Variants in NCKAP5 observed in about 807,000 individuals in gnomAD.
NCKAP5 encodes the protein NCK associated protein 5.
NCKAP5 carries 92 observed loss-of-function variants against 167.0 expected under a neutral mutation model. That is an observed-to-expected ratio of 0.55 (90% CI 0.47 to 0.66). The LOEUF is 0.66. Ranked by LOEUF, NCKAP5 falls within the 30% of genes least tolerant of loss-of-function variation. NCKAP5 has a pLI of 0.00. For missense variants in NCKAP5, 2,378 were observed against 2,315.0 expected (o/e 1.03, Z -0.56); for synonymous variants, 891 against 877.4 (o/e 1.02, Z -0.27).
rs189670064 is a variant in NCKAP5, at chr2:133,399,500, G to T, written c.70-96390C>A. ...AGATTCTGTACATATAGATAGGCAA[G>T]AATTCAAATTGCCAAAGCCAACTTG... On this transcript the variant is annotated intron_variant, in intron 3 of 19. Transcript: ENST00000409261. Among the ~76,000 whole-genome samples the T allele has an allele frequency of 2.0e-3, 309 of 152,292 alleles. 2 individuals are homozygous for T. The highest frequency in any genetic ancestry group is 6.6e-3 in the African/African-American group (275 of 41,580).
chr2:132,731,425 T>C (rs1690994307), intron 17 of NCKAP5, among the ~76,000 whole-genome samples: 1 of 152,236 alleles, frequency 6.6e-6, no homozygotes, highest in Non-Finnish European at 1.5e-5. Flanking sequence ...TTGGTCTATA[T>C]TCAGAGTTAA....
chr2:133,189,486 GA>G (rs975806212), intron 5 of NCKAP5, among the ~76,000 whole-genome samples: 65 of 152,202 alleles, frequency 4.3e-4, no homozygotes, highest in African/African-American at 1.5e-3. Flanking sequence ...AACAAAAAAA[GA>G]GAATTTTAGA....
At chr2:133,429,795 A>G (rs1574941977) in intron 3 of NCKAP5, among the ~76,000 whole-genome samples, 1 of 152,056 alleles carries the variant, frequency 6.6e-6, no homozygotes, top group African/African-American at 2.4e-5. Context: ...CAGTGCATGT[A>G]TCTTTTTGGT....
At chr2:133,130,924 T>G (rs966855544) in intron 5 of NCKAP5, among the ~76,000 whole-genome samples, 2 of 152,186 alleles carry the variant, frequency 1.3e-5, no homozygotes, top group African/African-American at 2.4e-5. Context: ...CACTAAGCAT[T>G]TTGTACACAG....
intron 3 of NCKAP5, among the ~76,000 whole-genome samples, chr2:133,504,222 A>G (rs1282832775): frequency 1.0e-5 from 1 of 99,100 alleles, no homozygotes; most frequent in African/African-American, 3.9e-5. Flanking sequence ...CTTTCTGGGA[A>G]GAAGAAAAGG....
At chr2:133,374,561 T>C (rs1000722631) in intron 3 of NCKAP5, among the ~76,000 whole-genome samples, 2 of 149,790 alleles carry the variant, frequency 1.3e-5, no homozygotes, top group African/African-American at 4.9e-5. Context: ...TGGGGTGAAG[T>C]GCGTGTGTAG....
intron 15 of NCKAP5, 25 bp from the exon 16 acceptor site, chr2:132,773,919 A>C (rs771052169): frequency 6.3e-7 from 1 of 1,587,136 alleles, no homozygotes; most frequent in South Asian, 1.1e-5. Flanking sequence ...AAATGATGCA[A>C]GTTCTTATTT....
chr2:133,286,805 GA>G (rs5834352), intron 4 of NCKAP5, among the ~76,000 whole-genome samples: 1 of 151,598 alleles, frequency 6.6e-6, no homozygotes, highest in Admixed American at 6.6e-5. Context: ...TAAAGACTGC[GA>G]AAAAAAACAT....
intron 3 of NCKAP5, among the ~76,000 whole-genome samples, chr2:133,495,865 C>T (rs1476540919): frequency 6.6e-6 from 1 of 152,076 alleles, no homozygotes; most frequent in African/African-American, 2.4e-5. Context: ...TTATGCCTGC[C>T]TCATATAGTG....
intron 2 of NCKAP5, among the ~76,000 whole-genome samples, chr2:133,550,421 T>C (rs1283031190): frequency 2.6e-5 from 4 of 151,874 alleles, no homozygotes; most frequent in Non-Finnish European, 5.9e-5. Flanking sequence ...GCTTCAACCC[T>C]GGGATGCAAG....
intron 19 of NCKAP5, among the ~76,000 whole-genome samples, chr2:132,714,638 A>G (rs770648019): frequency 8.6e-5 from 13 of 151,830 alleles, no homozygotes; most frequent in African/African-American, 1.2e-4. Context: ...ACCAACATGG[A>G]GAAACCCCAT....
chr2:133,375,251 T>C (rs557437494), intron 3 of NCKAP5, among the ~76,000 whole-genome samples: 65 of 152,352 alleles, frequency 4.3e-4, no homozygotes, highest in Admixed American at 7.8e-4. Context: ...TAGTTTCTTA[T>C]GTTCCAAGAA....
intron 3 of NCKAP5, among the ~76,000 whole-genome samples, chr2:133,366,511 A>G (rs1245425913): frequency 2.0e-5 from 3 of 152,246 alleles, no homozygotes; most frequent in Middle Eastern, 3.4e-3. Flanking sequence ...CCATATTGCC[A>G]GGCTGGTCTT....
chr2:133,607,348 T>A, the NCKAP5 span, among the ~76,000 whole-genome samples: 4 of 152,210 alleles, frequency 2.6e-5, no homozygotes, highest in African/African-American at 9.6e-5. Flanking sequence ...TGGACCCAGG[T>A]AGAGTGTCTC....
intron 15 of NCKAP5, among the ~76,000 whole-genome samples, chr2:132,778,576 T>C (rs930519865): frequency 7.2e-5 from 11 of 152,118 alleles, no homozygotes; most frequent in Non-Finnish European, 1.2e-4. Context: ...TTTCAAACAG[T>C]GGTTTTATTT....
chr2:133,177,141 A>G (rs979674785), intron 5 of NCKAP5, among the ~76,000 whole-genome samples: 5 of 139,730 alleles, frequency 3.6e-5, no homozygotes, highest in Non-Finnish European at 7.6e-5. Context: ...TAAGAATTTT[A>G]GCGACACAGG....
chr2:133,474,155 T>TCTATACAC (rs1553649110), intron 3 of NCKAP5, among the ~76,000 whole-genome samples: 5 of 142,646 alleles, frequency 3.5e-5, no homozygotes, highest in Non-Finnish European at 4.5e-5. Flanking sequence ...TATCTATCTA[T>TCTATACAC]ACACACACAC....
intron 8 of NCKAP5, among the ~76,000 whole-genome samples, chr2:132,949,233 G>A (rs188113554): frequency 6.6e-6 from 1 of 152,222 alleles, no homozygotes; most frequent in African/African-American, 2.4e-5. Flanking sequence ...CCTTATTTCC[G>A]TATTCTGAGG....
At chr2:133,266,994 G>T (rs561091640) in intron 4 of NCKAP5, among the ~76,000 whole-genome samples, 338 of 151,988 alleles carry the variant, frequency 2.2e-3, no homozygotes, top group African/African-American at 7.8e-3. Context: ...GCTTAGGATC[G>T]GCGCTGTCAA....
Sources: allele counts gnomAD v4.1 joint callset (sites outside exome capture counted in the v4.1 genomes callset), GRCh38; gene constraint gnomAD v4.1.1; transcripts MANE v1.5; gene names NCBI Gene and HGNC (gene_info 2026-07-23, HGNC 2026-07-21).